PTPDC1: variants seen among roughly 807,000 people sequenced by gnomAD.
PTPDC1 encodes protein tyrosine phosphatase domain-containing protein 1.
In PTPDC1, 53 loss-of-function variants were observed where a neutral mutation model predicts 75.3. The observed-to-expected ratio is 0.70, with a 90% CI of 0.56 to 0.88. The LOEUF (loss-of-function observed/expected upper bound fraction) is 0.88, where lower values mean the gene tolerates loss of function less well. PTPDC1 is among the 40% of genes least tolerant of loss of function. The pLI is 0.00. For synonymous variants in PTPDC1, 349 were observed against 366.2 expected, an observed-to-expected ratio of 0.95 and a Z score of 0.54; for missense variants, 925 against 998.6, an observed-to-expected ratio of 0.93 and a Z score of 0.99.
chr9:94,063,731 G>A (rs35547162), intron 1 of PTPDC1, among the ~76,000 whole-genome samples: 365 of 152,232 alleles, frequency 2.4e-3, no homozygotes, highest in Non-Finnish European at 4.0e-3. Context: ...TTTCTCAGAG[G>A]AATGATCCAG....
At chr9:94,041,591 G>C (rs1198994155) in intron 1 of PTPDC1, among the ~76,000 whole-genome samples, 1 of 152,006 alleles carries the variant, frequency 6.6e-6, no homozygotes, top group Non-Finnish European at 1.5e-5. Flanking sequence ...TAAATTCTAG[G>C]TCTTCTGTTG....
intron 4 of PTPDC1, among the ~76,000 whole-genome samples, chr9:94,091,515 G>A (rs921861816): frequency 3.3e-4 from 51 of 152,244 alleles, no homozygotes; most frequent in African/African-American, 1.2e-3. Context: ...TTGCATCAAT[G>A]TTCATCAAGG....
intron 2 of PTPDC1, among the ~76,000 whole-genome samples, chr9:94,069,241 C>T (rs377198376): frequency 1.5e-4 from 23 of 152,238 alleles, no homozygotes; most frequent in South Asian, 6.2e-4. Context: ...TTTACGGGTA[C>T]AGTCATCCCT....
chr9:94,049,613 G>C (rs1043483152), intron 1 of PTPDC1, among the ~76,000 whole-genome samples: 2 of 152,218 alleles, frequency 1.3e-5, no homozygotes, highest in African/African-American at 4.8e-5. Flanking sequence ...CCCCTTGTGG[G>C]TAACCCGACC....
chr9:94,085,970 A>C (rs1203620414), intron 2 of PTPDC1, among the ~76,000 whole-genome samples: 1 of 152,214 alleles, frequency 6.6e-6, no homozygotes, highest in Non-Finnish European at 1.5e-5. Flanking sequence ...TTCTTTAATC[A>C]TACTGCTTTT....
chr9:94,070,762 A>G (rs923607188), intron 2 of PTPDC1, among the ~76,000 whole-genome samples: 5 of 152,218 alleles, frequency 3.3e-5, no homozygotes, highest in Admixed American at 3.3e-4. Flanking sequence ...AAAATCATAC[A>G]GTATGTAACC....
Position 94,049,328 on chromosome 9 carries a change from G to A in PTPDC1, c.-6-15406G>A, listed in dbSNP as rs374646834. 1.4e-4 allele frequency among the ~76,000 whole-genome samples: 21 copies of A among 152,224 alleles called. No homozygotes were observed. In the East Asian group the frequency reaches 4.1e-3, roughly 29 times the overall value. On this transcript the variant is annotated intron_variant, in intron 1 of 9. Transcript: ENST00000375360. ...TAGCCTTGATGGTCTTTACAATTTG[G>A]CATGTTTTTGCAGCAGCTGGTACCG...
At chr9:94,087,550 A>G (rs941705691) in intron 2 of PTPDC1, among the ~76,000 whole-genome samples, 1 of 152,252 alleles carries the variant, frequency 6.6e-6, no homozygotes. Flanking sequence ...GATGGTAAAC[A>G]TGAAGTTAAT....
At chr9:94,049,459 T>A (rs1825718745) in intron 1 of PTPDC1, among the ~76,000 whole-genome samples, 1 of 152,188 alleles carries the variant, frequency 6.6e-6, no homozygotes, top group Non-Finnish European at 1.5e-5. Flanking sequence ...ATTTTATTTC[T>A]CCTTCACTTA....
chr9:94,048,120 G>C (rs183908625), intron 1 of PTPDC1, among the ~76,000 whole-genome samples: 1 of 152,030 alleles, frequency 6.6e-6, no homozygotes, highest in African/African-American at 2.4e-5. Context: ...TCTTGCTAGC[G>C]GTCTATCAAT....
At chr9:94,070,893 A>C (rs1242555435) in intron 2 of PTPDC1, among the ~76,000 whole-genome samples, 1 of 152,180 alleles carries the variant, frequency 6.6e-6, no homozygotes, top group Non-Finnish European at 1.5e-5. Context: ...GATGTACCAC[A>C]GTGTGTTTAT....
chr9:94,040,266 A>G (rs562821166), intron 1 of PTPDC1, among the ~76,000 whole-genome samples: 1 of 152,348 alleles, frequency 6.6e-6, no homozygotes, highest in East Asian at 1.9e-4. Flanking sequence ...TGGTCTGGCC[A>G]GTTGAGCCTA....
At chr9:94,082,604 T>C (rs1476474311), upstream of PTPDC1, among the ~76,000 whole-genome samples, 1 of 152,232 alleles carries the variant, frequency 6.6e-6, no homozygotes, top group Admixed American at 6.5e-5. Context: ...GTACATTTCT[T>C]TTCATCTGCC....
intron 1 of PTPDC1, among the ~76,000 whole-genome samples, chr9:94,051,545 C>T (rs1224130473): frequency 6.6e-6 from 1 of 152,146 alleles, no homozygotes; most frequent in Non-Finnish European, 1.5e-5. Flanking sequence ...TTATTTCTTC[C>T]TTAAATGTTT....
Position 94,097,716 on chromosome 9 carries a change from A to T in PTPDC1, c.1150A>T (p.Met384Leu). Reference protein sequence around the residue: ...IEKTMSEMVTMQLDKELLRHD... With the variant: ...IEKTMSEMVTLQLDKELLRHD... ...AAAGACAATGTCTGAGATGGTCACC[A>T]TGCAGCTGGATAAAGAGTTACTGAG... is the stretch of plus-strand genomic sequence containing the variant. The change falls in exon 6 of 9, where the codon ATG becomes TTG. Residue 384 changes from methionine (M) to leucine (L), a missense_variant. Coordinates refer to ENST00000620992, the MANE Select transcript of PTPDC1 (RefSeq NM_001253829.2). 1 of 1,614,232 alleles carries T rather than the reference A, an allele frequency of 6.2e-7. No homozygotes were observed. The highest frequency in any genetic ancestry group is 8.5e-7 in the Non-Finnish European group (1 of 1,180,038).
rs200730534 is a variant in PTPDC1, at chr9:94,073,188, T to G, written c.82+8367T>G. On this transcript the variant is annotated intron_variant, in intron 2 of 9. Coordinates refer to the PTPDC1 transcript ENST00000375360. ...GAACTTTTTGTTTATTAATTCAATT[T>G]CTTTAATTTTTATAGAACTGTTCAG... Among the ~76,000 whole-genome samples, 14 of 152,340 alleles carry G rather than the reference T, an allele frequency of 9.2e-5. No homozygotes were observed. The East Asian group carries it at 2.7e-3, about 29-fold the overall frequency.
At position 94,101,744 on chromosome 9, in the gene PTPDC1, TAG is replaced by T. The variant is rs1395135817; in HGVS notation, c.2196_2197del (p.Lys733GlyfsTer33). 6.2e-7 allele frequency: 1 copy of T among 1,607,560 alleles called. No individual in the cohort carries two copies. The highest frequency in any genetic ancestry group is 2.2e-5 in the East Asian group (1 of 44,724). Reference sequence around the variant, plus strand: ...GATGCCGCAGAAGCACTTTTTTTATTAGAGAAGGTAAAGTGGCTGTAGGACCA... The same window carrying T: ...GATGCCGCAGAAGCACTTTTTTTATTAGAAGGTAAAGTGGCTGTAGGACCA... On this transcript the variant is annotated frameshift_variant, in exon 7 of 9. Coordinates refer to ENST00000620992, the MANE Select transcript of PTPDC1 (RefSeq NM_001253829.2). LOFTEE classifies it high-confidence loss of function.
intron 1 of PTPDC1, among the ~76,000 whole-genome samples, chr9:94,052,147 T>C (rs953728039): frequency 6.6e-6 from 1 of 152,176 alleles, no homozygotes; most frequent in Non-Finnish European, 1.5e-5. Flanking sequence ...TACATTCACA[T>C]TGTTGTGCAA....
intron 1 of PTPDC1, chr9:94,031,134 A>G (rs899091337): frequency 1.3e-5 from 2 of 152,206 alleles, no homozygotes; most frequent in Non-Finnish European, 2.9e-5. Context: ...AAAGGTTCGG[A>G]ATTCGCAGCT....
Sources: allele counts gnomAD v4.1 joint callset (sites outside exome capture counted in the v4.1 genomes callset), GRCh38; gene constraint gnomAD v4.1.1; transcripts MANE v1.5; gene names NCBI Gene and HGNC (gene_info 2026-07-23, HGNC 2026-07-21).